Variants in CTNND2 observed in about 807,000 individuals in gnomAD.
The protein encoded by CTNND2 is catenin delta 2.
Under a neutral mutation model 144.4 loss-of-function variants are expected in CTNND2, and 22 were observed. That is an observed-to-expected ratio of 0.15 (90% CI 0.11 to 0.22). The LOEUF (loss-of-function observed/expected upper bound fraction) is 0.22. CTNND2 is among the 10% of genes least tolerant of loss of function. The probability of loss-of-function intolerance (pLI) is 1.00; values close to 1 mark genes in which losing one functional copy is unlikely to be tolerated. For missense variants in CTNND2, 1,353 were observed against 1,618.8 expected (o/e 0.84, Z 2.82); for synonymous variants, 751 against 695.6 (o/e 1.08, Z -1.25).
chr5:11,140,397 G>C (rs2149733496), intron 12 of CTNND2, among the ~76,000 whole-genome samples: 1 of 152,222 alleles, frequency 6.6e-6, no homozygotes, highest in South Asian at 2.1e-4. Context: ...CAATTTATTG[G>C]TCTTCTATTG....
At chr5:11,861,168 T>A (rs530619995) in intron 1 of CTNND2, among the ~76,000 whole-genome samples, 1 of 152,334 alleles carries the variant, frequency 6.6e-6, no homozygotes, top group African/African-American at 2.4e-5. Flanking sequence ...TTCGAGTCTT[T>A]GAGTTTTATG....
chr5:10,992,546 C>T lies in CTNND2; in HGVS notation c.3211+5G>A. On this transcript the variant is annotated splice_donor_5th_base_variant and intron_variant, in intron 19 of 21. Coordinates refer to ENST00000304623, the MANE Select transcript of CTNND2 (RefSeq NM_001332.4). ...CCTGGCTGGCTAGCCACGGCAGCCT[C>T]TTACCTGAGCGGTTGTTGGGAGACA... The T allele has an allele frequency of 6.2e-7, 1 of 1,613,938 alleles. No individual in the cohort carries two copies. The highest frequency in any genetic ancestry group is 8.5e-7 in the Non-Finnish European group (1 of 1,180,020).
chr5:11,678,909 A>T (rs1184291183), intron 2 of CTNND2, among the ~76,000 whole-genome samples: 1 of 151,742 alleles, frequency 6.6e-6, no homozygotes, highest in Non-Finnish European at 1.5e-5. Flanking sequence ...CACATCTCTT[A>T]CTTCCATTTC....
chr5:11,482,162 AG>A (rs1269299232), intron 3 of CTNND2, among the ~76,000 whole-genome samples: 1 of 152,120 alleles, frequency 6.6e-6, no homozygotes, highest in Admixed American at 6.6e-5. Flanking sequence ...TCAATACCGC[AG>A]GAATTGGTGT....
chr5:11,550,471 T>C (rs1775657533), intron 3 of CTNND2, among the ~76,000 whole-genome samples: 1 of 152,216 alleles, frequency 6.6e-6, no homozygotes, highest in Non-Finnish European at 1.5e-5. Context: ...AGGTTAATTG[T>C]TAAATTTCGA....
intron 2 of CTNND2, among the ~76,000 whole-genome samples, chr5:11,696,532 ACTAATTTTATAT>A (rs1785146999): frequency 6.6e-6 from 1 of 152,184 alleles, no homozygotes; most frequent in Non-Finnish European, 1.5e-5. Context: ...AACTGTTTAG[ACTAATTTTATAT>A]CTGATCAACA....
Position 11,875,751 on chromosome 5 carries a change from A to G in CTNND2, c.37+28066T>C, listed in dbSNP as rs1366647481. Among the ~76,000 whole-genome samples the G allele has an allele frequency of 2.6e-5, 4 of 152,194 alleles. No homozygotes were observed. The South Asian group carries it at 8.3e-4, about 31-fold the overall frequency. Reference sequence around the variant, plus strand: ...GTGGGGAATAAATACTGCTGTTTATAAGTCACCCAGACTACGGTATTTTGT... The same window carrying G: ...GTGGGGAATAAATACTGCTGTTTATGAGTCACCCAGACTACGGTATTTTGT... On this transcript the variant is annotated intron_variant, in intron 1 of 21. Coordinates refer to ENST00000304623, the MANE Select transcript of CTNND2 (RefSeq NM_001332.4).
chr5:11,667,332 G>A (rs1783624142), intron 2 of CTNND2, among the ~76,000 whole-genome samples: 1 of 152,148 alleles, frequency 6.6e-6, no homozygotes, highest in Non-Finnish European at 1.5e-5. Context: ...GATCCTTGAG[G>A]AATTGCCACA....
chr5:11,521,411 G>A (rs939958443), intron 3 of CTNND2, among the ~76,000 whole-genome samples: 1 of 152,136 alleles, frequency 6.6e-6, no homozygotes, highest in African/African-American at 2.4e-5. Flanking sequence ...GATAAGGTAA[G>A]AGCTTATCTT....
chr5:11,287,658 C>T (rs771253721), intron 9 of CTNND2, among the ~76,000 whole-genome samples: 1 of 152,160 alleles, frequency 6.6e-6, no homozygotes, highest in Admixed American at 6.6e-5. Flanking sequence ...CTTTACAGTA[C>T]TATAAAGGGA....
intron 2 of CTNND2, among the ~76,000 whole-genome samples, chr5:11,627,212 G>T (rs1781203764): frequency 6.6e-6 from 1 of 152,120 alleles, no homozygotes; most frequent in Non-Finnish European, 1.5e-5. Context: ...ATCTGAGAGG[G>T]CTAGTGGTAG....
chr5:11,270,272 A>G, intron 9 of CTNND2, among the ~76,000 whole-genome samples: 1 of 152,248 alleles, frequency 6.6e-6, no homozygotes, highest in Middle Eastern at 3.4e-3. Context: ...ACACACATAT[A>G]TAATATATGT....
intron 3 of CTNND2, among the ~76,000 whole-genome samples, chr5:11,483,174 A>G (rs1427772071): frequency 6.6e-6 from 1 of 152,208 alleles, no homozygotes; most frequent in African/African-American, 2.4e-5. Context: ...TTTTGATGTC[A>G]GAGCCAATGG....
At chr5:11,643,456 A>G (rs1782175415) in intron 2 of CTNND2, among the ~76,000 whole-genome samples, 1 of 136,306 alleles carries the variant, frequency 7.3e-6, no homozygotes, top group Admixed American at 8.3e-5. Flanking sequence ...TCATTGTTCA[A>G]TTCCCACCTA....
At chr5:11,650,168 T>C (rs908342996) in intron 2 of CTNND2, among the ~76,000 whole-genome samples, 3 of 152,134 alleles carry the variant, frequency 2.0e-5, no homozygotes, top group Non-Finnish European at 4.4e-5. Context: ...GTTTTCATGA[T>C]AGTGAGTAAA....
At chr5:11,016,149 G>T (rs1377118010) in intron 18 of CTNND2, among the ~76,000 whole-genome samples, 1 of 152,156 alleles carries the variant, frequency 6.6e-6, no homozygotes, top group East Asian at 1.9e-4. Context: ...AATTTCCATA[G>T]GGCCTTGAAT....
chr5:11,658,761 G>A (rs530940040), intron 2 of CTNND2, among the ~76,000 whole-genome samples: 74 of 152,198 alleles, frequency 4.9e-4, no homozygotes, highest in African/African-American at 1.7e-3. Flanking sequence ...TTTACACTGC[G>A]CTATATGAAT....
chr5:11,886,086 T>TCAAATAACCTAAAA (rs1301437537), intron 1 of CTNND2, among the ~76,000 whole-genome samples: 1 of 151,774 alleles, frequency 6.6e-6, no homozygotes, highest in Non-Finnish European at 1.5e-5. Context: ...TAGAAAGATT[T>TCAAATAACCTAAAA]CAAATAACCT....
At chr5:11,132,683 T>A (rs949922177) in intron 12 of CTNND2, among the ~76,000 whole-genome samples, 1 of 152,194 alleles carries the variant, frequency 6.6e-6, no homozygotes, top group Non-Finnish European at 1.5e-5. Flanking sequence ...GACAGTCTTC[T>A]TACATATTTT....
Sources: gnomAD v4.1 joint callset for allele counts (sites outside exome capture counted in the v4.1 genomes callset) on GRCh38, gnomAD v4.1.1 for gene constraint, MANE v1.5 for transcripts, NCBI Gene and HGNC (gene_info 2026-07-23, HGNC 2026-07-21) for gene names.